FSIP1: variants seen among roughly 807,000 people sequenced by gnomAD.
The protein encoded by FSIP1 is fibrous sheath interacting protein 1.
FSIP1 carries 65 observed loss-of-function variants against 60.9 expected under a neutral mutation model. That is an observed-to-expected ratio of 1.07 (90% CI 0.87 to 1.31). FSIP1 has a LOEUF of 1.31. Among genes scored for constraint, FSIP1 ranks in the 40% most tolerant of loss-of-function variants. The pLI, the probability that FSIP1 is intolerant of heterozygous loss-of-function variation, is 0.00. For synonymous variants in FSIP1, 209 were observed against 221.2 expected, an observed-to-expected ratio of 0.94 and a Z score of 0.49; for missense variants, 675 against 665.5, an observed-to-expected ratio of 1.01 and a Z score of -0.16.
intron 7 of FSIP1, among the ~76,000 whole-genome samples, chr15:39,739,276 A>C (rs1896722302): frequency 6.6e-6 from 1 of 152,168 alleles, no homozygotes. Flanking sequence ...CAAAGTTCTA[A>C]ATGTACTGGC....
At chr15:39,736,224 A>G (rs1480738121) in intron 8 of FSIP1, among the ~76,000 whole-genome samples, 1 of 152,244 alleles carries the variant, frequency 6.6e-6, no homozygotes, top group Admixed American at 6.5e-5. Context: ...GAAATATCTC[A>G]GAATTATGTG....
intron 9 of FSIP1, among the ~76,000 whole-genome samples, chr15:39,724,352 C>T (rs894000015): frequency 2.6e-5 from 4 of 151,642 alleles, no homozygotes; most frequent in Admixed American, 6.6e-5. Flanking sequence ...CCCGAGTTCA[C>T]GCCATTCTCC....
intron 11 of FSIP1, among the ~76,000 whole-genome samples, chr15:39,615,728 C>A (rs1024258790): frequency 3.9e-3 from 463 of 119,410 alleles, no homozygotes; most frequent in African/African-American, 4.6e-3. Flanking sequence ...ACTAAAAATA[C>A]AAAAAAAAAA....
At chr15:39,674,918 G>A (rs760710684) in intron 10 of FSIP1, among the ~76,000 whole-genome samples, 22 of 152,038 alleles carry the variant, frequency 1.4e-4, no homozygotes, top group Non-Finnish European at 2.5e-4. Flanking sequence ...CAAACTGGGA[G>A]AGGATAGCTC....
intron 10 of FSIP1, among the ~76,000 whole-genome samples, chr15:39,664,688 AC>A (rs946027757): frequency 2.6e-5 from 4 of 152,026 alleles, no homozygotes; most frequent in Admixed American, 2.0e-4. Flanking sequence ...CCCAATCCCC[AC>A]CATCAAGTTA....
chr15:39,695,447 TTTAAA>T (rs1246580301), intron 10 of FSIP1, among the ~76,000 whole-genome samples: 4 of 152,008 alleles, frequency 2.6e-5, no homozygotes, highest in Non-Finnish European at 4.4e-5. Flanking sequence ...CTTCAAAGCC[TTTAAA>T]TTATTGTTTA....
chr15:39,664,870 C>T (rs1254723060), intron 10 of FSIP1, among the ~76,000 whole-genome samples: 1 of 152,118 alleles, frequency 6.6e-6, no homozygotes, highest in African/African-American at 2.4e-5. Flanking sequence ...GAAGTGATCT[C>T]CCTCCTCTCT....
intron 10 of FSIP1, among the ~76,000 whole-genome samples, chr15:39,698,132 T>C (rs950983077): frequency 1.3e-5 from 2 of 150,612 alleles, no homozygotes; most frequent in African/African-American, 4.8e-5. Flanking sequence ...AATCAAGATG[T>C]GTTGAAAGTG....
At chr15:39,677,733 C>T (rs8040902) in intron 10 of FSIP1, among the ~76,000 whole-genome samples, 3,669 of 152,158 alleles carry the variant, frequency 0.024, 137 homozygotes, top group African/African-American at 0.084. Flanking sequence ...TGTTTACGAC[C>T]GGGCGTGGTG....
chr15:39,738,245 T>C, intron 7 of FSIP1, 44 bp from the exon 8 acceptor site: 2 of 1,290,484 alleles, frequency 1.5e-6, no homozygotes, highest in South Asian at 2.7e-5. Context: ...TCAAGGAAAT[T>C]CACAGTTCAG....
intron 10 of FSIP1, among the ~76,000 whole-genome samples, chr15:39,626,898 C>G (rs1891662613): frequency 6.6e-6 from 1 of 152,156 alleles, no homozygotes; most frequent in African/African-American, 2.4e-5. Context: ...AATACTTGAT[C>G]AGTGCCACGA....
At chr15:39,744,684 C>T (rs1159147510) in intron 5 of FSIP1, among the ~76,000 whole-genome samples, 1 of 144,016 alleles carries the variant, frequency 6.9e-6, no homozygotes, top group Non-Finnish European at 1.6e-5. Context: ...TGCAGACAAG[C>T]AAAGGCAGTG....
chr15:39,777,649 G>C (rs1178415083), intron 1 of FSIP1, among the ~76,000 whole-genome samples: 1 of 152,192 alleles, frequency 6.6e-6, no homozygotes. Context: ...TTCCAGATCT[G>C]TCCTGTGACA....
intron 10 of FSIP1, among the ~76,000 whole-genome samples, chr15:39,709,782 G>C (rs577296224): frequency 1.3e-5 from 2 of 152,096 alleles, no homozygotes; most frequent in African/African-American, 4.8e-5. Flanking sequence ...AACAGGACTC[G>C]CGCTCCTATG....
intron 5 of FSIP1, among the ~76,000 whole-genome samples, chr15:39,759,535 C>T (rs1406871390): frequency 6.6e-6 from 1 of 152,096 alleles, no homozygotes; most frequent in Non-Finnish European, 1.5e-5. Context: ...AAAGTCCAAC[C>T]CTGGACTAAG....
At chr15:39,677,045 A>G (rs905757790) in intron 10 of FSIP1, among the ~76,000 whole-genome samples, 6 of 152,204 alleles carry the variant, frequency 3.9e-5, no homozygotes, top group African/African-American at 1.4e-4. Context: ...AGGAGAGGGC[A>G]GTTAAGGAAG....
At chr15:39,744,727 A>AGTCT (rs35653532) in intron 5 of FSIP1, among the ~76,000 whole-genome samples, 39 of 144,386 alleles carry the variant, frequency 2.7e-4, no homozygotes, top group South Asian at 1.3e-3. Flanking sequence ...AGGCTGAAGT[A>AGTCT]GTCTGTCTGT....
At chr15:39,641,822 C>T (rs751051081) in intron 10 of FSIP1, among the ~76,000 whole-genome samples, 8 of 152,118 alleles carry the variant, frequency 5.3e-5, no homozygotes, top group African/African-American at 1.2e-4. Flanking sequence ...AACCAGCAAA[C>T]GTAAAAACGG....
chr15:39,616,594 A>T (rs1891239859), intron 11 of FSIP1, among the ~76,000 whole-genome samples: 1 of 152,334 alleles, frequency 6.6e-6, no homozygotes, highest in East Asian at 1.9e-4. Context: ...CACCGAAATC[A>T]TTAGACCAGA....
Sources: gnomAD v4.1 joint callset for allele counts (sites outside exome capture counted in the v4.1 genomes callset) on GRCh38, gnomAD v4.1.1 for gene constraint, MANE v1.5 for transcripts, NCBI Gene and HGNC (gene_info 2026-07-23, HGNC 2026-07-21) for gene names.